Variants in ADCY8 observed in about 807,000 individuals in gnomAD.
ADCY8 encodes adenylate cyclase type 8.
Under a neutral mutation model 119.7 loss-of-function variants are expected in ADCY8, and 51 were observed. That is an observed-to-expected ratio of 0.43 (90% CI 0.34 to 0.54). The LOEUF is 0.54. ADCY8 is among the 20% of genes least tolerant of loss of function. The pLI is 0.03. For missense variants in ADCY8, 1,383 were observed against 1,598.8 expected (o/e 0.87, Z 2.30); for synonymous variants, 665 against 651.0 (o/e 1.02, Z -0.33).
chr8:130,917,539 A>G (rs912040541), intron 5 of ADCY8, among the ~76,000 whole-genome samples: 4 of 152,286 alleles, frequency 2.6e-5, no homozygotes, highest in African/African-American at 9.6e-5. Flanking sequence ...AAGTGAGAGC[A>G]ATGGTGTTCT....
In ADCY8 at chr8:130,904,047, GTGT is replaced by G; in HGVS notation, c.1641-8_1641-6del. On this transcript the variant is annotated splice_region_variant and splice_polypyrimidine_tract_variant and intron_variant, in intron 6 of 17. Coordinates refer to ENST00000286355, the MANE Select transcript of ADCY8 (RefSeq NM_001115.3). ...GCTTTGGAAATGTGAATCCTCCTGTGTGTAGAAGGCATAGGTCATTACACACTC... is the reference window on the plus strand; with the variant it reads ...GCTTTGGAAATGTGAATCCTCCTGTGAGAAGGCATAGGTCATTACACACTC... The G allele has an allele frequency of 6.2e-7, 1 of 1,610,042 alleles. No individual in the cohort carries two copies. The highest frequency in any genetic ancestry group is 8.5e-7 in the Non-Finnish European group (1 of 1,177,338).
intron 12 of ADCY8, among the ~76,000 whole-genome samples, chr8:130,827,110 C>T (rs763288481): frequency 9.2e-5 from 14 of 152,132 alleles, no homozygotes; most frequent in South Asian, 2.1e-4. Flanking sequence ...TGATGTTCTG[C>T]GGAAGCAGAT....
intron 8 of ADCY8, among the ~76,000 whole-genome samples, chr8:130,880,870 T>A (rs552247132): frequency 6.6e-5 from 10 of 152,172 alleles, no homozygotes; most frequent in Admixed American, 3.9e-4. Flanking sequence ...CATAGGAAAT[T>A]CACAGATTTA....
intron 7 of ADCY8, among the ~76,000 whole-genome samples, chr8:130,886,250 C>G (rs974798924): frequency 2.0e-5 from 3 of 152,046 alleles, no homozygotes; most frequent in African/African-American, 7.2e-5. Flanking sequence ...CCTGTGCCAA[C>G]ATGAGAAAGC....
chr8:130,957,486 A>G (rs1052109710), intron 2 of ADCY8, among the ~76,000 whole-genome samples: 6 of 152,238 alleles, frequency 3.9e-5, no homozygotes, highest in Non-Finnish European at 8.8e-5. Context: ...TGTGATAGAA[A>G]AGAAAAAACA....
chr8:131,004,780 G>A (rs1216014254), intron 1 of ADCY8, among the ~76,000 whole-genome samples: 1 of 152,184 alleles, frequency 6.6e-6, no homozygotes, highest in Non-Finnish European at 1.5e-5. Context: ...AGAGACTAAA[G>A]GGCTGTGAGC....
chr8:131,034,655 C>G (rs1428442251), intron 1 of ADCY8, among the ~76,000 whole-genome samples: 1 of 152,060 alleles, frequency 6.6e-6, no homozygotes, highest in African/African-American at 2.4e-5. Context: ...CACTAAGTAA[C>G]CTGGATTTGC....
At chr8:130,895,311 C>T (rs1451958831) in intron 7 of ADCY8, among the ~76,000 whole-genome samples, 1 of 152,076 alleles carries the variant, frequency 6.6e-6, no homozygotes, top group Non-Finnish European at 1.5e-5. Context: ...AAAGTTTTAG[C>T]AGGTTATCAG....
intron 8 of ADCY8, among the ~76,000 whole-genome samples, chr8:130,881,476 CG>C (rs1490392049): frequency 6.6e-6 from 1 of 152,040 alleles, no homozygotes; most frequent in African/African-American, 2.4e-5. Context: ...ATTGTTCAAA[CG>C]GAATAAAGCC....
intron 3 of ADCY8, among the ~76,000 whole-genome samples, chr8:130,948,965 C>T (rs1339162726): frequency 6.6e-6 from 1 of 152,174 alleles, no homozygotes; most frequent in African/African-American, 2.4e-5. Context: ...CACCACGCTG[C>T]TCTGAGAATA....
intron 14 of ADCY8, among the ~76,000 whole-genome samples, chr8:130,803,291 C>T (rs1265250382): frequency 1.3e-5 from 2 of 152,200 alleles, no homozygotes; most frequent in Non-Finnish European, 2.9e-5. Flanking sequence ...CCACAAGTCA[C>T]AGAGGGGGTT....
chr8:130,880,849 G>A (rs868851101), intron 8 of ADCY8, among the ~76,000 whole-genome samples: 5 of 152,132 alleles, frequency 3.3e-5, no homozygotes, highest in Admixed American at 6.6e-5. Context: ...AGGACATATG[G>A]CCACCATGAT....
At chr8:130,898,110 G>A (rs567787466) in intron 7 of ADCY8, among the ~76,000 whole-genome samples, 1 of 152,258 alleles carries the variant, frequency 6.6e-6, no homozygotes, top group South Asian at 2.1e-4. Flanking sequence ...GTGAACTGAT[G>A]GAAAGCATGG....
Position 130,840,136 on chromosome 8 carries a change from G to A in ADCY8, c.2503-3687C>T, listed in dbSNP as rs1351278637. Among the ~76,000 whole-genome samples the A allele has an allele frequency of 1.4e-5, 2 of 139,368 alleles. 1 individual carries two copies. Among genetic ancestry groups the A allele is most frequent in the Non-Finnish European group, 3.2e-5 (2 of 61,756 alleles). 91.4% of individuals were successfully genotyped at this position (139,368 alleles called of 152,430 possible). A position where few individuals can be genotyped will look rare whatever the true frequency, so the allele number is the denominator to read the frequency against. On this transcript the variant is annotated intron_variant, in intron 11 of 17. Transcript: ENST00000286355. ...AGTAAGAAAAAACTTAAAGTATGAG[G>A]AAAAGGCAGTGAGTTCTTTTTTTAG... is the stretch of plus-strand genomic sequence containing the variant.
In ADCY8 at chr8:130,953,822, G is replaced by T. The variant is rs149188664; in HGVS notation, c.1111-1824C>A. On this transcript the variant is annotated intron_variant, in intron 2 of 17. Coordinates refer to ENST00000286355, the MANE Select transcript of ADCY8 (RefSeq NM_001115.3). The stretch of plus-strand genomic sequence containing the variant: ...ATGCAAAAGGCTTTATTAATGAAAT[G>T]CCCATTGAATGACATATGATGAAGC... Among the ~76,000 whole-genome samples, 354 of 152,262 alleles carry T rather than the reference G, an allele frequency of 2.3e-3. 2 individuals carry two copies. The highest frequency in any genetic ancestry group is 3.8e-3 in the Non-Finnish European group (261 of 68,014).
At chr8:130,995,878 T>C (rs920581773) in intron 1 of ADCY8, among the ~76,000 whole-genome samples, 4 of 152,170 alleles carry the variant, frequency 2.6e-5, no homozygotes, top group Non-Finnish European at 5.9e-5. Context: ...TGAGTTCTAA[T>C]AATACAGAGA....
intron 12 of ADCY8, among the ~76,000 whole-genome samples, chr8:130,829,352 A>C (rs1258009935): frequency 6.6e-6 from 1 of 152,198 alleles, no homozygotes; most frequent in Non-Finnish European, 1.5e-5. Flanking sequence ...CCCAGGTAAG[A>C]GGGAAGTATA....
intron 15 of ADCY8, among the ~76,000 whole-genome samples, chr8:130,789,831 A>T (rs536144049): frequency 2.6e-4 from 39 of 152,294 alleles, no homozygotes; most frequent in Admixed American, 5.2e-4. Context: ...AACTTGGTTG[A>T]GTTGCAAAAT....
intron 12 of ADCY8, among the ~76,000 whole-genome samples, chr8:130,835,186 C>G (rs532402472): frequency 8.5e-5 from 13 of 152,202 alleles, no homozygotes; most frequent in Non-Finnish European, 1.8e-4. Context: ...TCAGCCTGGA[C>G]TGGCTCCTTC....
Sources: gnomAD v4.1 joint callset for allele counts (sites outside exome capture counted in the v4.1 genomes callset) on GRCh38, gnomAD v4.1.1 for gene constraint, MANE v1.5 for transcripts, NCBI Gene and HGNC (gene_info 2026-07-23, HGNC 2026-07-21) for gene names.